TENM2: variants seen among roughly 807,000 people sequenced by gnomAD.
The protein encoded by TENM2 is teneurin-2.
A neutral mutation model predicts 245.2 loss-of-function variants in TENM2; 52 were observed. The ratio of observed to expected loss-of-function variants is 0.21; its 90% confidence interval spans 0.17 to 0.27. The LOEUF (loss-of-function observed/expected upper bound fraction) is 0.27. TENM2 is among the 10% of genes least tolerant of loss of function. The pLI is 1.00. For synonymous variants in TENM2, 1,363 were observed against 1,438.9 expected (o/e 0.95, Z 1.19); for missense variants, 3,046 against 3,666.8 (o/e 0.83, Z 4.37).
At chr5:167,230,536 C>T in the TENM2 span, among the ~76,000 whole-genome samples, 2 of 152,048 alleles carry the variant, frequency 1.3e-5, no homozygotes, top group Non-Finnish European at 2.9e-5. Flanking sequence ...TGAAGCCCCT[C>T]CTCTGAGTAG....
the TENM2 span, among the ~76,000 whole-genome samples, chr5:167,048,879 G>T: frequency 6.6e-6 from 1 of 152,220 alleles, no homozygotes; most frequent in Admixed American, 6.5e-5. Context: ...TTCCAATAAA[G>T]ATACTTTGAT....
the TENM2 span, among the ~76,000 whole-genome samples, chr5:167,122,657 A>G: frequency 6.6e-6 from 1 of 152,340 alleles, no homozygotes; most frequent in Non-Finnish European, 1.5e-5. Flanking sequence ...TAATGGTAGA[A>G]TTAGGAAGCC....
chr5:167,761,149 A>T (rs140159815), intron 2 of TENM2, among the ~76,000 whole-genome samples: 2,082 of 152,324 alleles, frequency 0.014, 22 homozygotes, highest in Middle Eastern at 0.037. Flanking sequence ...CTGTTTAAAA[A>T]TAAAGATCAT....
intron 1 of TENM2, among the ~76,000 whole-genome samples, chr5:167,311,274 A>C (rs2127754172): frequency 6.6e-6 from 1 of 152,348 alleles, no homozygotes; most frequent in East Asian, 1.9e-4. Context: ...CATCCATTTT[A>C]AAGAATTTGG....
the TENM2 span, among the ~76,000 whole-genome samples, chr5:167,241,456 A>T: frequency 1.3e-5 from 2 of 152,150 alleles, no homozygotes; most frequent in Non-Finnish European, 2.9e-5. Flanking sequence ...TGAAGAAGTG[A>T]CAAGCTAAGT....
At chr5:167,777,584 C>T (rs76756410) in intron 2 of TENM2, among the ~76,000 whole-genome samples, 2,276 of 152,108 alleles carry the variant, frequency 0.015, 44 homozygotes, top group African/African-American at 0.052. Context: ...GAGAAAGTTC[C>T]CTTGAAATTC....
At chr5:168,087,531 C>T (rs1215611661) in intron 7 of TENM2, 1 of 152,024 alleles carries the variant, frequency 6.6e-6, no homozygotes, top group Non-Finnish European at 1.5e-5. Context: ...ATTGCTTGAA[C>T]CCGAGAGGTG....
At chr5:167,901,747 A>T (rs1282569231) in intron 3 of TENM2, among the ~76,000 whole-genome samples, 1 of 152,230 alleles carries the variant, frequency 6.6e-6, no homozygotes, top group African/African-American at 2.4e-5. Context: ...ATGCTGGCAC[A>T]TCGCAATTTT....
At chr5:167,662,077 G>A (rs1338473106) in intron 2 of TENM2, among the ~76,000 whole-genome samples, 1 of 152,186 alleles carries the variant, frequency 6.6e-6, no homozygotes, top group African/African-American at 2.4e-5. Flanking sequence ...TATAGAGTGG[G>A]GTGGGGTGGT....
intron 2 of TENM2, among the ~76,000 whole-genome samples, chr5:167,732,002 T>C (rs377188611): frequency 6.6e-6 from 1 of 152,186 alleles, no homozygotes. Flanking sequence ...AGTATATAAT[T>C]GCGGGCTTTA....
At chr5:167,004,245 G>A in the TENM2 span, among the ~76,000 whole-genome samples, 11 of 152,074 alleles carry the variant, frequency 7.2e-5, no homozygotes, top group African/African-American at 2.4e-4. Context: ...TCACCGATGA[G>A]GAAAATGCTT....
At chr5:167,711,128 G>C (rs1307331546) in intron 2 of TENM2, among the ~76,000 whole-genome samples, 3 of 152,044 alleles carry the variant, frequency 2.0e-5, no homozygotes, top group Non-Finnish European at 4.4e-5. Context: ...AAACTAACAA[G>C]GAACAAAGGC....
At chr5:167,499,916 G>A (rs1582215769) in intron 2 of TENM2, among the ~76,000 whole-genome samples, 1 of 148,024 alleles carries the variant, frequency 6.8e-6, no homozygotes, top group Non-Finnish European at 1.5e-5. Context: ...GGGTGTATAT[G>A]TGTGTGTGTG....
intron 5 of TENM2, among the ~76,000 whole-genome samples, chr5:168,016,671 C>T (rs1165024358): frequency 6.6e-6 from 1 of 152,138 alleles, no homozygotes; most frequent in African/African-American, 2.4e-5. Context: ...CCCCAAGCAC[C>T]TTCTCAGTGG....
chr5:167,894,965 G>C (rs1775073510), intron 3 of TENM2, among the ~76,000 whole-genome samples: 1 of 131,584 alleles, frequency 7.6e-6, no homozygotes, highest in South Asian at 3.1e-4. Context: ...AAGGAAGGAA[G>C]GAAGGAAGGA....
intron 3 of TENM2, among the ~76,000 whole-genome samples, chr5:167,906,600 A>C (rs955314394): frequency 6.6e-6 from 1 of 152,186 alleles, no homozygotes; most frequent in Non-Finnish European, 1.5e-5. Context: ...AATGAGGCTT[A>C]AGAGTCAGGA....
At chr5:168,047,429 A>G (rs755229724) in exon 6 of TENM2, 6 of 1,551,682 alleles carry the variant, frequency 3.9e-6, no homozygotes, top group South Asian at 1.2e-5. Context: ...TCCTGCAGCA[A>G]TGCATCTGCT....
At chr5:167,448,519 C>T (rs1765369823) in intron 2 of TENM2, among the ~76,000 whole-genome samples, 1 of 147,948 alleles carries the variant, frequency 6.8e-6, no homozygotes, top group South Asian at 2.2e-4. Flanking sequence ...CTTGCTATCT[C>T]GTATGTTAGG....
At chr5:167,130,986 CT>C in the TENM2 span, among the ~76,000 whole-genome samples, 45 of 137,954 alleles carry the variant, frequency 3.3e-4, no homozygotes, top group African/African-American at 1.2e-3. Flanking sequence ...GCATTTTGAA[CT>C]TCCCACTTGA....
Sources: allele counts gnomAD v4.1 joint callset (sites outside exome capture counted in the v4.1 genomes callset), GRCh38; gene constraint gnomAD v4.1.1; transcripts MANE v1.5; gene names NCBI Gene and HGNC (gene_info 2026-07-23, HGNC 2026-07-21).